The following FBXL20 variants were observed in gnomAD, a reference collection of about 807,000 sequenced individuals.
FBXL20 encodes the protein F-box/LRR-repeat protein 20.
In FBXL20, 11 loss-of-function variants were observed where a neutral mutation model predicts 64.0. The ratio of observed to expected loss-of-function variants is 0.17; its 90% CI spans 0.11 to 0.28. FBXL20 has a LOEUF of 0.28. Among genes scored for constraint, FBXL20 ranks in the 10% least tolerant of loss-of-function variants. The probability of loss-of-function intolerance (pLI) is 1.00; values close to 1 mark genes in which losing one functional copy is unlikely to be tolerated. For synonymous variants in FBXL20, 184 were observed against 189.0 expected (o/e 0.97, Z 0.22); for missense variants, 303 against 526.2 (o/e 0.58, Z 4.15).
intron 1 of FBXL20, among the ~76,000 whole-genome samples, chr17:39,392,344 G>A (rs1320635809): frequency 6.6e-6 from 1 of 150,894 alleles, no homozygotes; most frequent in Non-Finnish European, 1.5e-5. Flanking sequence ...GGAGGCTGAG[G>A]CACCAGAATC....
intron 1 of FBXL20, among the ~76,000 whole-genome samples, chr17:39,356,802 C>T (rs1421251585): frequency 2.0e-5 from 3 of 149,286 alleles, no homozygotes; most frequent in Non-Finnish European, 3.0e-5. Flanking sequence ...ACTACGGGTG[C>T]GTGCCACCAC....
intron 1 of FBXL20, among the ~76,000 whole-genome samples, chr17:39,390,293 A>C: frequency 6.6e-6 from 1 of 152,068 alleles, no homozygotes; most frequent in East Asian, 1.9e-4. Context: ...GCGGTGGCTC[A>C]CACCTGTAAT....
rs2048205668 is a variant in FBXL20, at chr17:39,398,177, G to A, written c.42+3184C>T. 2.0e-5 allele frequency among the ~76,000 whole-genome samples: 3 copies of A among 152,004 alleles called. No individual in the cohort carries two copies. In the South Asian group the frequency reaches 6.2e-4, roughly 32 times the overall value. ...GGCGCCTGTAATCCCAGCTACTCGG[G>A]AGGCTGAGGCAGTAGAATCGCTTAA... On this transcript the variant is annotated intron_variant, in intron 1 of 14. Coordinates refer to ENST00000264658, the MANE Select transcript of FBXL20 (RefSeq NM_032875.3).
At chr17:39,334,369 G>A (rs2047498791) in intron 2 of FBXL20, among the ~76,000 whole-genome samples, 1 of 151,692 alleles carries the variant, frequency 6.6e-6, no homozygotes, top group South Asian at 2.1e-4. Flanking sequence ...GAAAACCAGA[G>A]ACCTTTGTTC....
At chr17:39,273,042 T>A (rs192115604) in intron 10 of FBXL20, among the ~76,000 whole-genome samples, 1 of 152,156 alleles carries the variant, frequency 6.6e-6, no homozygotes, top group Admixed American at 6.5e-5. Flanking sequence ...AAGGTTTTTT[T>A]GTTTGTTTGT....
At chr17:39,279,943 G>A (rs775902493) in intron 9 of FBXL20, among the ~76,000 whole-genome samples, 1 of 152,190 alleles carries the variant, frequency 6.6e-6, no homozygotes, top group Non-Finnish European at 1.5e-5. Flanking sequence ...CACTTTGGGA[G>A]GCCGAGGCAG....
At chr17:39,363,472 T>C (rs2047819670) in intron 1 of FBXL20, among the ~76,000 whole-genome samples, 2 of 152,060 alleles carry the variant, frequency 1.3e-5, no homozygotes, top group Admixed American at 1.3e-4. Flanking sequence ...TTGCATTCTT[T>C]ACAAATATCT....
At chr17:39,386,778 C>T (rs1039376276) in intron 1 of FBXL20, among the ~76,000 whole-genome samples, 1 of 152,152 alleles carries the variant, frequency 6.6e-6, no homozygotes, top group African/African-American at 2.4e-5. Flanking sequence ...TCTAATTCCA[C>T]AAAAGAACAC....
intron 4 of FBXL20, 62 bp from the exon 5 acceptor site, chr17:39,299,146 T>C: frequency 8.9e-7 from 1 of 1,126,930 alleles, no homozygotes; most frequent in Admixed American, 2.2e-5. Flanking sequence ...AAAGAACACA[T>C]ACTCATTTTT....
At chr17:39,264,471 A>G (rs2046774647) in intron 13 of FBXL20, 84 bp from the exon 14 acceptor site, 9 of 1,479,974 alleles carry the variant, frequency 6.1e-6, no homozygotes, top group Non-Finnish European at 8.3e-6. Context: ...TGGAAAGGAG[A>G]CATTTTGGTT....
At chr17:39,388,302 C>CA (rs1474643145) in intron 1 of FBXL20, among the ~76,000 whole-genome samples, 1 of 150,296 alleles carries the variant, frequency 6.7e-6, no homozygotes, top group Non-Finnish European at 1.5e-5. Context: ...ACTAAAAGTG[C>CA]AAAAAAAATA....
intron 1 of FBXL20, among the ~76,000 whole-genome samples, chr17:39,387,206 C>T (rs770974834): frequency 3.3e-5 from 5 of 151,134 alleles, no homozygotes; most frequent in African/African-American, 7.3e-5. Context: ...TGCAGACTAA[C>T]GGATTCTGAG....
intron 11 of FBXL20, among the ~76,000 whole-genome samples, chr17:39,270,248 G>A (rs1284238079): frequency 6.6e-6 from 1 of 152,016 alleles, no homozygotes; most frequent in Non-Finnish European, 1.5e-5. Flanking sequence ...AAATTGTGAA[G>A]AATCAAGTCT....
intron 2 of FBXL20, among the ~76,000 whole-genome samples, chr17:39,311,441 A>T (rs80145087): frequency 1.3e-5 from 2 of 151,090 alleles, no homozygotes; most frequent in Non-Finnish European, 2.9e-5. Context: ...TTTCCTTTTC[A>T]GTTTCTAAGT....
chr17:39,374,260 G>A (rs1025684492), intron 1 of FBXL20, among the ~76,000 whole-genome samples: 4 of 151,766 alleles, frequency 2.6e-5, no homozygotes, highest in Non-Finnish European at 5.9e-5. Context: ...CAGTCGGAAT[G>A]GCTCACGCCT....
chr17:39,370,698 G>A (rs1367791438), intron 1 of FBXL20, among the ~76,000 whole-genome samples: 3 of 151,154 alleles, frequency 2.0e-5, no homozygotes, highest in African/African-American at 7.3e-5. Context: ...GGGAGGCTGA[G>A]GCAGGAGAAT....
intron 1 of FBXL20, among the ~76,000 whole-genome samples, chr17:39,382,796 T>TA (rs773962640): frequency 6.6e-6 from 1 of 152,086 alleles, no homozygotes. Flanking sequence ...GCTATGATCC[T>TA]ACTCTGCACT....
At chr17:39,375,437 T>C (rs1316462476) in intron 1 of FBXL20, among the ~76,000 whole-genome samples, 4 of 152,098 alleles carry the variant, frequency 2.6e-5, no homozygotes, top group Non-Finnish European at 4.4e-5. Context: ...ATCAAATATT[T>C]ACAGTTAGAT....
At chr17:39,351,391 T>G (rs1181440404) in intron 1 of FBXL20, among the ~76,000 whole-genome samples, 1 of 152,022 alleles carries the variant, frequency 6.6e-6, no homozygotes, top group Non-Finnish European at 1.5e-5. Context: ...CACTAGATGT[T>G]TTCTAGGAAA....
Sources: gnomAD v4.1 joint callset for allele counts (sites outside exome capture counted in the v4.1 genomes callset) on GRCh38, gnomAD v4.1.1 for gene constraint, MANE v1.5 for transcripts, NCBI Gene and HGNC (gene_info 2026-07-23, HGNC 2026-07-21) for gene names.